Variants in CHD1L observed in about 807,000 individuals in gnomAD.
The protein encoded by CHD1L is chromodomain helicase DNA binding protein 1 like.
A neutral mutation model predicts 115.9 loss-of-function variants in CHD1L; 118 were observed. The observed-to-expected ratio is 1.02, with a 90% CI of 0.88 to 1.19. CHD1L has a LOEUF of 1.19. CHD1L is among the 50% of genes most tolerant of loss of function. CHD1L has a pLI of 0.00. For missense variants in CHD1L, 1,179 were observed against 1,065.3 expected, an observed-to-expected ratio of 1.11 and a Z score of -1.49; for synonymous variants, 411 against 387.1, an observed-to-expected ratio of 1.06 and a Z score of -0.72.
At chr1:147,212,510 G>T in the CHD1L span, 6 of 1,613,570 alleles carry the variant, frequency 3.7e-6, no homozygotes, top group African/African-American at 6.7e-5. Flanking sequence ...GACTGTGGAA[G>T]TACTGCCCTT....
In CHD1L at chr1:147,242,944, C is replaced by T. The variant is rs370356736; in HGVS notation, c.127+114C>T. ...CGGTGGGCAGTTTACCCGCTCGCGC[C>T]AGGGCCTTCCTTCGCTCCTGCCGTG... On this transcript the variant is annotated intron_variant, in intron 1 of 22. Transcript: ENST00000369258. 4.5e-5 allele frequency: 52 copies of T among 1,158,846 alleles called. No homozygotes were observed. In the African/African-American group the frequency reaches 7.6e-4, roughly 17 times the overall value. The allele number at this position is 1,158,846 out of a possible 1,614,324, so 71.8% of individuals were successfully genotyped here.
At chr1:147,255,036 A>G in intron 3 of CHD1L, 60 bp downstream of exon 3, 2 of 1,277,778 alleles carry the variant, frequency 1.6e-6, no homozygotes, top group African/African-American at 1.5e-5. Flanking sequence ...TTTTTTCTGG[A>G]TGATGTATAA....
chr1:147,178,357 A>G, the CHD1L span: 51 of 1,612,366 alleles, frequency 3.2e-5, no homozygotes, highest in Admixed American at 8.3e-4. Context: ...CCCATTAGCA[A>G]AGGCTGATTG....
intron 11 of CHD1L, 45 bp downstream of exon 11, chr1:147,271,050 T>G (rs1676012686): frequency 6.8e-7 from 1 of 1,464,928 alleles, no homozygotes; most frequent in East Asian, 2.3e-5. Context: ...CTGTTAGACT[T>G]AACAGTCCAG....
the CHD1L span, among the ~76,000 whole-genome samples, chr1:147,216,191 C>A: frequency 6.6e-6 from 1 of 152,170 alleles, no homozygotes; most frequent in African/African-American, 2.4e-5. Flanking sequence ...AGTAGCCTTG[C>A]GGATTCTGCC....
At chr1:147,193,567 C>G in the CHD1L span, among the ~76,000 whole-genome samples, 2 of 152,000 alleles carry the variant, frequency 1.3e-5, no homozygotes, top group Non-Finnish European at 2.9e-5. Context: ...TGTGTTTGCT[C>G]TTGCTTTTCT....
At chr1:147,178,016 T>C in the CHD1L span, 8 of 608,940 alleles carry the variant, frequency 1.3e-5, no homozygotes, top group Middle Eastern at 3.7e-4. Flanking sequence ...AAAAACTAAA[T>C]TAGTAGAAAA....
the CHD1L span, among the ~76,000 whole-genome samples, chr1:147,205,231 G>C: frequency 6.0e-3 from 909 of 152,206 alleles, 4 homozygotes; most frequent in Middle Eastern, 0.01. Flanking sequence ...AAATAATTAG[G>C]TGAAAGGTTT....
At chr1:147,246,299 T>C (rs1553933834) in intron 1 of CHD1L, among the ~76,000 whole-genome samples, 1 of 152,146 alleles carries the variant, frequency 6.6e-6, no homozygotes, top group African/African-American at 2.4e-5. Flanking sequence ...ACTCACCCAC[T>C]GAAGGATATC....
At chr1:147,239,679 G>A, upstream of CHD1L, among the ~76,000 whole-genome samples, 1 of 152,138 alleles carries the variant, frequency 6.6e-6, no homozygotes, top group Non-Finnish European at 1.5e-5. Flanking sequence ...CAGACCTGGA[G>A]TCTCTCAGCT....
chr1:147,276,240 G>A lies in CHD1L; in HGVS notation c.1522G>A (p.Ala508Thr), dbSNP rs1295156078. 1 of 1,614,042 alleles carries A rather than the reference G, an allele frequency of 6.2e-7. No individual in the cohort carries two copies. Among genetic ancestry groups the A allele is most frequent in the Non-Finnish European group, 8.5e-7 (1 of 1,180,020 alleles). The change falls in exon 14 of 23, where the codon GCC becomes ACC. Residue 508 changes from alanine to threonine, a missense_variant. By Grantham distance (58) the Ala-to-Thr change is moderately conservative. Coordinates refer to ENST00000369258, the MANE Select transcript of CHD1L (RefSeq NM_004284.6). ...TACTCTGGGAGCCCAGAAACCCGCT[G>A]CCGATGCTGACCTCCAGGTATGATA... ...HFTLGAQKPA[A>T]DADLQLSEIL...
At chr1:147,239,723 A>T (rs2102176293), upstream of CHD1L, among the ~76,000 whole-genome samples, 1 of 152,332 alleles carries the variant, frequency 6.6e-6, no homozygotes, top group East Asian at 1.9e-4. Context: ...TACCAGACTT[A>T]GTATACCAAC....
At chr1:147,205,404 A>C in the CHD1L span, among the ~76,000 whole-genome samples, 5 of 152,196 alleles carry the variant, frequency 3.3e-5, no homozygotes, top group Non-Finnish European at 5.9e-5. Flanking sequence ...TCTTGATGTG[A>C]CCCACTAAGA....
chr1:147,220,261 A>C, the CHD1L span, among the ~76,000 whole-genome samples: 1 of 152,254 alleles, frequency 6.6e-6, no homozygotes, highest in South Asian at 2.1e-4. Flanking sequence ...TAGGATTTAT[A>C]AGCATGAATT....
At chr1:147,190,352 A>G in the CHD1L span, 7 of 714,752 alleles carry the variant, frequency 9.8e-6, no homozygotes, top group African/African-American at 1.8e-5. Context: ...AATACAGGGT[A>G]AGTTTCCTGT....
chr1:147,261,124 C>T (rs587747796), intron 6 of CHD1L: 1 of 152,358 alleles, frequency 6.6e-6, no homozygotes, highest in Admixed American at 6.5e-5. Context: ...TCAAAGGTCG[C>T]TGTCCCCTGG....
the CHD1L span, chr1:147,201,185 G>A: frequency 1.2e-6 from 2 of 1,613,794 alleles, no homozygotes; most frequent in Non-Finnish European, 1.7e-6. Context: ...CGTCCTTGGA[G>A]CTCTGAAATG....
chr1:147,205,944 C>A, the CHD1L span, among the ~76,000 whole-genome samples: 1 of 151,994 alleles, frequency 6.6e-6, no homozygotes, highest in African/African-American at 2.4e-5. Flanking sequence ...AGAGCTTCTG[C>A]ACAGCAAAAG....
At chr1:147,274,933 C>T (rs927237277) in intron 12 of CHD1L, among the ~76,000 whole-genome samples, 2 of 152,132 alleles carry the variant, frequency 1.3e-5, no homozygotes, top group African/African-American at 2.4e-5. Context: ...AAGCGACATT[C>T]GGCACTCTTC....
Sources: allele counts gnomAD v4.1 joint callset (sites outside exome capture counted in the v4.1 genomes callset), GRCh38; gene constraint gnomAD v4.1.1; transcripts MANE v1.5; gene names NCBI Gene and HGNC (gene_info 2026-07-23, HGNC 2026-07-21).